The following CFAP299 variants were observed in gnomAD, a reference collection of about 807,000 sequenced individuals.
CFAP299 encodes the protein cilia and flagella associated protein 299.
CFAP299 carries 21 observed loss-of-function variants against 27.0 expected under a neutral mutation model. The observed-to-expected ratio is 0.78, with a 90% CI of 0.55 to 1.12. The LOEUF is 1.12. Among genes scored for constraint, CFAP299 ranks in the 50% most tolerant of loss-of-function variants. The pLI is 0.00. For missense variants in CFAP299, 310 were observed against 276.6 expected (o/e 1.12, Z -0.86); for synonymous variants, 104 against 98.1 (o/e 1.06, Z -0.36).
chr4:80,579,863 G>T lies in CFAP299; in HGVS notation c.243-3230G>T, dbSNP rs560899060. On this transcript the variant is annotated intron_variant, in intron 2 of 5. Transcript: ENST00000358105. Reference sequence around the variant, plus strand: ...AACCTTGAAGGCTACAGGCAAAACTGATGTGATCATTACCTTTTGTGCTGT... The same window carrying T: ...AACCTTGAAGGCTACAGGCAAAACTTATGTGATCATTACCTTTTGTGCTGT... 2.2e-3 allele frequency among the ~76,000 whole-genome samples: 336 copies of T among 152,194 alleles called. 1 individual carries two copies. Among genetic ancestry groups the T allele is most frequent in the Non-Finnish European group, 4.2e-3 (285 of 67,990 alleles).
chr4:80,373,563 T>C (rs984048275), intron 2 of CFAP299, among the ~76,000 whole-genome samples: 1 of 152,186 alleles, frequency 6.6e-6, no homozygotes, highest in Non-Finnish European at 1.5e-5. Flanking sequence ...CTAACTATGA[T>C]ACAAATTGAG....
At chr4:80,346,416 T>C (rs1332160290) in intron 1 of CFAP299, among the ~76,000 whole-genome samples, 2 of 152,232 alleles carry the variant, frequency 1.3e-5, no homozygotes, top group African/African-American at 4.8e-5. Flanking sequence ...AGGTCTAACA[T>C]TTAAGTCTTT....
intron 3 of CFAP299, among the ~76,000 whole-genome samples, chr4:80,837,845 T>C (rs574935005): frequency 6.6e-6 from 1 of 152,138 alleles, no homozygotes; most frequent in African/African-American, 2.4e-5. Context: ...GGAATCACCA[T>C]CCTGTCTTCC....
chr4:80,853,869 G>T (rs774062199), intron 3 of CFAP299, among the ~76,000 whole-genome samples: 1 of 152,162 alleles, frequency 6.6e-6, no homozygotes, highest in Non-Finnish European at 1.5e-5. Context: ...AAAAGAAGTT[G>T]TGTGATGGAC....
chr4:80,599,540 A>C (rs1313372890), intron 3 of CFAP299, among the ~76,000 whole-genome samples: 1 of 152,156 alleles, frequency 6.6e-6, no homozygotes, highest in Non-Finnish European at 1.5e-5. Flanking sequence ...TCTAGAAAAT[A>C]GTTTTTAAAA....
chr4:80,644,846 T>G (rs924651252), intron 3 of CFAP299, among the ~76,000 whole-genome samples: 3 of 152,188 alleles, frequency 2.0e-5, no homozygotes, highest in Non-Finnish European at 4.4e-5. Context: ...AATTAATTTT[T>G]TAAAATGCCC....
chr4:80,724,519 C>G (rs1242481670), intron 3 of CFAP299, among the ~76,000 whole-genome samples: 1 of 152,068 alleles, frequency 6.6e-6, no homozygotes, highest in African/African-American at 2.4e-5. Flanking sequence ...ACTATAGCCT[C>G]TTTTTGGAGT....
At chr4:80,413,704 C>A (rs1316249462) in intron 2 of CFAP299, among the ~76,000 whole-genome samples, 1 of 150,478 alleles carries the variant, frequency 6.6e-6, no homozygotes, top group African/African-American at 2.4e-5. Flanking sequence ...TTCTCCAGAG[C>A]CTCATGGCCA....
chr4:80,407,499 C>T (rs571530583), intron 2 of CFAP299, among the ~76,000 whole-genome samples: 1 of 152,130 alleles, frequency 6.6e-6, no homozygotes, highest in Non-Finnish European at 1.5e-5. Context: ...AACTTCTTGC[C>T]GGCTAGCCTG....
chr4:80,740,237 A>C (rs1305560239), intron 3 of CFAP299, among the ~76,000 whole-genome samples: 1 of 152,154 alleles, frequency 6.6e-6, no homozygotes, highest in Non-Finnish European at 1.5e-5. Flanking sequence ...GGTGTCTGGA[A>C]ATTGAAAAGT....
At chr4:80,399,676 C>T (rs1034539205) in intron 2 of CFAP299, among the ~76,000 whole-genome samples, 3 of 127,914 alleles carry the variant, frequency 2.3e-5, no homozygotes, top group Non-Finnish European at 4.6e-5. Context: ...GAACATCACA[C>T]ACCAGGGCCT....
intron 3 of CFAP299, among the ~76,000 whole-genome samples, chr4:80,732,644 G>A (rs1197362463): frequency 1.3e-5 from 2 of 151,734 alleles, no homozygotes; most frequent in East Asian, 1.9e-4. Flanking sequence ...ATTTCTTCTA[G>A]GAAAGTCTTG....
At chr4:80,363,607 A>G (rs1723662850) in intron 2 of CFAP299, among the ~76,000 whole-genome samples, 1 of 152,218 alleles carries the variant, frequency 6.6e-6, no homozygotes. Context: ...CCATGTACAC[A>G]TTATAAACAA....
chr4:80,583,231 A>G, intron 3 of CFAP299, 48 bp downstream of exon 3: 1 of 1,050,756 alleles, frequency 9.5e-7, no homozygotes, highest in Non-Finnish European at 1.4e-6. Context: ...CTAAATGCAC[A>G]ATTAATATTA....
At chr4:80,757,820 T>G (rs1670427019) in intron 3 of CFAP299, among the ~76,000 whole-genome samples, 1 of 151,930 alleles carries the variant, frequency 6.6e-6, no homozygotes, top group Non-Finnish European at 1.5e-5. Context: ...GGGTGGGAAC[T>G]GGAATGCATA....
intron 2 of CFAP299, among the ~76,000 whole-genome samples, chr4:80,395,659 A>G (rs778099953): frequency 3.3e-5 from 5 of 152,140 alleles, no homozygotes; most frequent in African/African-American, 9.7e-5. Flanking sequence ...CTTGATTATT[A>G]CAAGTTATTA....
At chr4:80,901,103 A>G (rs1412005705) in intron 4 of CFAP299, among the ~76,000 whole-genome samples, 1 of 152,156 alleles carries the variant, frequency 6.6e-6, no homozygotes, top group Non-Finnish European at 1.5e-5. Flanking sequence ...TACAGAGAGC[A>G]ATGAGAGCAA....
At chr4:80,359,217 G>A (rs991665573) in intron 1 of CFAP299, among the ~76,000 whole-genome samples, 3 of 152,104 alleles carry the variant, frequency 2.0e-5, no homozygotes, top group South Asian at 4.1e-4. Flanking sequence ...TACCTTTATA[G>A]GTGATCTGAC....
At chr4:80,870,584 CCCAT>C in intron 4 of CFAP299, 2 of 986,422 alleles carry the variant, frequency 2.0e-6, no homozygotes, top group Non-Finnish European at 2.4e-6. Flanking sequence ...TTCCTTAACA[CCCAT>C]CATTCTTTTT....
Sources: gnomAD v4.1 joint callset for allele counts (sites outside exome capture counted in the v4.1 genomes callset) on GRCh38, gnomAD v4.1.1 for gene constraint, MANE v1.5 for transcripts, NCBI Gene and HGNC (gene_info 2026-07-23, HGNC 2026-07-21) for gene names.